ANKS1B: variants seen among roughly 807,000 people sequenced by gnomAD.
ANKS1B encodes ankyrin repeat and sterile alpha motif domain containing 1B.
Under a neutral mutation model 148.3 loss-of-function variants are expected in ANKS1B, and 36 were observed. That is an observed-to-expected ratio of 0.24 (90% CI 0.19 to 0.32). The LOEUF (loss-of-function observed/expected upper bound fraction) is 0.32. Ranked by LOEUF, ANKS1B falls within the 10% of genes least tolerant of loss-of-function variation. ANKS1B has a pLI of 1.00. For missense variants in ANKS1B, 1,157 were observed against 1,542.6 expected (o/e 0.75, Z 4.19); for synonymous variants, 542 against 560.8 (o/e 0.97, Z 0.47).
chr12:98,789,866 C>T (rs1164799506), intron 22 of ANKS1B, among the ~76,000 whole-genome samples: 1 of 152,052 alleles, frequency 6.6e-6, no homozygotes, highest in Non-Finnish European at 1.5e-5. Context: ...GTTTAAAATA[C>T]ACGGTAAAAC....
intron 17 of ANKS1B, among the ~76,000 whole-genome samples, chr12:98,832,866 G>T (rs2153698097): frequency 6.6e-6 from 1 of 152,128 alleles, no homozygotes; most frequent in South Asian, 2.1e-4. Flanking sequence ...CAGGGCACTG[G>T]CATATGTAGA....
chr12:99,830,623 T>C (rs980155609), intron 1 of ANKS1B, among the ~76,000 whole-genome samples: 20 of 134,766 alleles, frequency 1.5e-4, no homozygotes, highest in African/African-American at 5.8e-4. Flanking sequence ...GGAATAAAGC[T>C]GACATCTGAA....
intron 1 of ANKS1B, among the ~76,000 whole-genome samples, chr12:99,858,152 T>C (rs1032911310): frequency 2.0e-5 from 3 of 152,056 alleles, no homozygotes; most frequent in Non-Finnish European, 4.4e-5. Flanking sequence ...AAAGGACCAA[T>C]ATCCAAAATT....
At chr12:98,943,988 A>G (rs1210007770) in intron 17 of ANKS1B, among the ~76,000 whole-genome samples, 1 of 152,142 alleles carries the variant, frequency 6.6e-6, no homozygotes, top group Non-Finnish European at 1.5e-5. Context: ...CTATTAGTTC[A>G]CACAAATGGG....
At chr12:99,641,398 A>C (rs1260590266) in intron 9 of ANKS1B, among the ~76,000 whole-genome samples, 1 of 152,216 alleles carries the variant, frequency 6.6e-6, no homozygotes, top group African/African-American at 2.4e-5. Flanking sequence ...TTCTCAGAGC[A>C]GAAACCACAC....
intron 17 of ANKS1B, among the ~76,000 whole-genome samples, chr12:98,994,069 G>T (rs2099928162): frequency 6.6e-6 from 1 of 151,972 alleles, no homozygotes. Context: ...AAGTACTTTT[G>T]TGTGTGTGTG....
At chr12:98,887,401 A>T (rs908619237) in intron 17 of ANKS1B, among the ~76,000 whole-genome samples, 5 of 152,116 alleles carry the variant, frequency 3.3e-5, no homozygotes, top group Admixed American at 6.5e-5. Flanking sequence ...AAATTTGTAA[A>T]AATACTCCAT....
At chr12:99,375,010 T>C (rs1459826926) in intron 12 of ANKS1B, among the ~76,000 whole-genome samples, 2 of 152,182 alleles carry the variant, frequency 1.3e-5, no homozygotes, top group African/African-American at 4.8e-5. Flanking sequence ...ACACATTCTG[T>C]TTTCTAGAGT....
At chr12:98,994,442 C>T (rs779331663) in intron 17 of ANKS1B, among the ~76,000 whole-genome samples, 1 of 152,080 alleles carries the variant, frequency 6.6e-6, no homozygotes, top group Admixed American at 6.5e-5. Flanking sequence ...CATGGTGAAA[C>T]CCCGTCTCTA....
chr12:99,419,963 C>A (rs1387124281), intron 11 of ANKS1B, among the ~76,000 whole-genome samples: 1 of 152,202 alleles, frequency 6.6e-6, no homozygotes, highest in Non-Finnish European at 1.5e-5. Flanking sequence ...AGCCAGCACA[C>A]CCAGCCTGCT....
chr12:99,659,864 A>T (rs112815160), intron 8 of ANKS1B, among the ~76,000 whole-genome samples: 4 of 152,302 alleles, frequency 2.6e-5, no homozygotes, highest in African/African-American at 9.6e-5. Flanking sequence ...CAAGCCCTCT[A>T]AATCTAGGTC....
At chr12:99,978,651 T>C (rs995357452) in intron 1 of ANKS1B, among the ~76,000 whole-genome samples, 1 of 152,204 alleles carries the variant, frequency 6.6e-6, no homozygotes, top group Non-Finnish European at 1.5e-5. Context: ...ATAACCACAA[T>C]TGCCCAAATA....
chr12:98,759,757 A>G (rs1354717318), intron 25 of ANKS1B, among the ~76,000 whole-genome samples: 1 of 152,190 alleles, frequency 6.6e-6, no homozygotes, highest in Non-Finnish European at 1.5e-5. Flanking sequence ...AGGCGGGTGG[A>G]TTGCCTGAGC....
chr12:99,596,073 T>G (rs1363281226), intron 9 of ANKS1B, among the ~76,000 whole-genome samples: 1 of 152,016 alleles, frequency 6.6e-6, no homozygotes, highest in East Asian at 1.9e-4. Context: ...CTCTTCGATC[T>G]GAATAACAAT....
intron 26 of ANKS1B, among the ~76,000 whole-genome samples, chr12:98,746,109 A>G (rs1470197455): frequency 1.3e-5 from 2 of 152,096 alleles, no homozygotes; most frequent in Admixed American, 1.3e-4. Flanking sequence ...ACAGAGGCGG[A>G]TTTCAGTGCT....
chr12:99,485,873 G>T (rs1207627803), intron 10 of ANKS1B, among the ~76,000 whole-genome samples: 2 of 152,136 alleles, frequency 1.3e-5, no homozygotes, highest in East Asian at 1.9e-4. Context: ...ATTTCCAGAA[G>T]TTCGGATTGC....
chr12:99,046,133 C>T (rs2099962154), intron 17 of ANKS1B, among the ~76,000 whole-genome samples: 1 of 152,068 alleles, frequency 6.6e-6, no homozygotes, highest in Admixed American at 6.5e-5. Flanking sequence ...AGGGTATTGC[C>T]CTCGTGGTGG....
At chr12:98,941,069 T>C (rs2099835922) in intron 17 of ANKS1B, among the ~76,000 whole-genome samples, 1 of 152,270 alleles carries the variant, frequency 6.6e-6, no homozygotes, top group African/African-American at 2.4e-5. Flanking sequence ...CTAGGGGAAA[T>C]ACAGAGTTAG....
At chr12:99,322,796 C>A (rs923053874) in intron 12 of ANKS1B, among the ~76,000 whole-genome samples, 4 of 152,186 alleles carry the variant, frequency 2.6e-5, no homozygotes, top group Non-Finnish European at 5.9e-5. Context: ...GTGGGAGAGA[C>A]CCAGTGGAAG....
Sources: allele counts gnomAD v4.1 joint callset (sites outside exome capture counted in the v4.1 genomes callset), GRCh38; gene constraint gnomAD v4.1.1; transcripts MANE v1.5; gene names NCBI Gene and HGNC (gene_info 2026-07-23, HGNC 2026-07-21).